The following CPQ variants were observed in gnomAD, a reference collection of about 807,000 sequenced individuals.
The protein encoded by CPQ is Ser-Met dipeptidase.
A neutral mutation model predicts 45.7 loss-of-function variants in CPQ; 37 were observed. The ratio of observed to expected loss-of-function variants is 0.81; its 90% CI spans 0.62 to 1.07. CPQ has a LOEUF of 1.07. Among genes scored for constraint, CPQ ranks in the 50% least tolerant of loss-of-function variants. The pLI is 0.00. For synonymous variants in CPQ, 186 were observed against 205.8 expected (o/e 0.90, Z 0.82); for missense variants, 537 against 572.9 (o/e 0.94, Z 0.64).
chr8:96,808,390 G>A (rs1027662171), intron 2 of CPQ, among the ~76,000 whole-genome samples: 10 of 152,152 alleles, frequency 6.6e-5, no homozygotes, highest in Non-Finnish European at 1.0e-4. Context: ...GCTACACAGA[G>A]CATGGAAAGT....
At chr8:97,105,096 A>G (rs1811381996) in intron 7 of CPQ, among the ~76,000 whole-genome samples, 1 of 152,354 alleles carries the variant, frequency 6.6e-6, no homozygotes, top group East Asian at 1.9e-4. Context: ...CCACCCCGGC[A>G]TTGTGCCTTC....
At chr8:97,035,828 C>G (rs543956613) in intron 6 of CPQ, among the ~76,000 whole-genome samples, 159 of 152,260 alleles carry the variant, frequency 1.0e-3, no homozygotes, top group African/African-American at 3.7e-3. Context: ...CTGCCTTAGC[C>G]TCCTGAGTAG....
chr8:97,113,996 C>A (rs1355787682), intron 7 of CPQ, among the ~76,000 whole-genome samples: 1 of 152,224 alleles, frequency 6.6e-6, no homozygotes, highest in Non-Finnish European at 1.5e-5. Context: ...CTACCTGTCT[C>A]TTTCCAGAGC....
intron 5 of CPQ, among the ~76,000 whole-genome samples, chr8:97,004,273 T>TAAAA (rs765381107): frequency 7.4e-6 from 1 of 134,910 alleles, no homozygotes. Flanking sequence ...AAATAATTTG[T>TAAAA]AAAAAAAAAA....
intron 1 of CPQ, among the ~76,000 whole-genome samples, chr8:96,679,613 G>C (rs1024251267): frequency 4.6e-5 from 7 of 151,894 alleles, no homozygotes; most frequent in African/African-American, 1.7e-4. Flanking sequence ...TTCTGCTCAG[G>C]CTTTCTGTTT....
At chr8:96,999,406 A>G in intron 5 of CPQ, among the ~76,000 whole-genome samples, 1 of 151,692 alleles carries the variant, frequency 6.6e-6, no homozygotes, top group East Asian at 1.9e-4. Context: ...TCATCCTCCA[A>G]AAAGCCCTAG....
rs59043894 is a variant in CPQ, at chr8:96,926,625, C to CTTCTTCTTCTTCTTCTT, written c.850-39310_850-39309insTTCTTCTTCTTCTTCTT. On this transcript the variant is annotated intron_variant, in intron 4 of 7. Transcript: ENST00000220763. ...TTCTTCTTCTTCTTCTTCTTCTTCT[C>CTTCTTCTTCTTCTTCTT]CTCCTTCTCCTTCTTCTTCTTCTCC... Among the ~76,000 whole-genome samples the CTTCTTCTTCTTCTTCTT allele has an allele frequency of 4.6e-3, 266 of 58,352 alleles. 18 individuals carry two copies. The highest frequency in any genetic ancestry group is 0.015 in the African/African-American group (234 of 15,796). 38.3% of individuals were successfully genotyped at this position (58,352 alleles called of 152,430 possible). A position where few individuals can be genotyped will look rare whatever the true frequency, so the allele number is the denominator to read the frequency against.
intron 5 of CPQ, among the ~76,000 whole-genome samples, chr8:97,020,339 C>G (rs57789001): frequency 3.0e-3 from 459 of 151,912 alleles, no homozygotes; most frequent in African/African-American, 1.0e-2. Flanking sequence ...AAAAACAAAC[C>G]AAACCCAAAC....
intron 1 of CPQ, among the ~76,000 whole-genome samples, chr8:96,735,583 C>A (rs1270825388): frequency 6.6e-6 from 1 of 152,170 alleles, no homozygotes; most frequent in Non-Finnish European, 1.5e-5. Context: ...TGTCCCCAAA[C>A]AAAAGCTGGG....
intron 6 of CPQ, among the ~76,000 whole-genome samples, chr8:97,063,342 ATTTG>A (rs1416509982): frequency 2.0e-5 from 3 of 151,938 alleles, no homozygotes; most frequent in African/African-American, 4.8e-5. Context: ...TCTCTTGTAA[ATTTG>A]TTTAAGTTCC....
Position 97,026,446 on chromosome 8 carries a change from G to A in CPQ, c.962-2957G>A, listed in dbSNP as rs191030038. ...CCAATGCCTTTCTGTACCCTACACC[G>A]TCCATCATGGATTTAGGTAGCCTGG... On this transcript the variant is annotated intron_variant, in intron 5 of 7. Transcript: ENST00000220763. Among the ~76,000 whole-genome samples, 253 of 152,186 alleles carry A rather than the reference G, an allele frequency of 1.7e-3. 3 individuals carry two copies. The highest frequency in any genetic ancestry group is 0.013 in the Admixed American group (196 of 15,280).
rs534026447 is a variant in CPQ at position 97,091,962 on chromosome 8, T to C, written c.1255+25752T>C. On this transcript the variant is annotated intron_variant, in intron 7 of 7. Coordinates refer to ENST00000220763, the MANE Select transcript of CPQ (RefSeq NM_016134.4). ...TATCACCCCAGGGAAACTGCAGTTA[T>C]CCTAAATGCCTCTGGTACCAATAAC... 1.2e-4 allele frequency among the ~76,000 whole-genome samples: 19 copies of C among 152,264 alleles called. No individual in the cohort carries two copies. The East Asian group carries it at 3.7e-3, about 29-fold the overall frequency.
intron 5 of CPQ, among the ~76,000 whole-genome samples, chr8:96,997,806 CAGTTATTGAGAACAATATTA>C (rs1188941782): frequency 6.6e-6 from 1 of 152,124 alleles, no homozygotes; most frequent in Non-Finnish European, 1.5e-5. Context: ...ATTCAGCTCA[CAGTTATTGAGAACAATATTA>C]AGTCTTAAGC....
At chr8:96,657,251 A>G (rs1344822973) in intron 1 of CPQ, among the ~76,000 whole-genome samples, 1 of 152,074 alleles carries the variant, frequency 6.6e-6, no homozygotes, top group Non-Finnish European at 1.5e-5. Context: ...AGGCTGAGGC[A>G]GGAGAATCAC....
intron 1 of CPQ, among the ~76,000 whole-genome samples, chr8:96,703,333 A>G (rs945498218): frequency 4.6e-5 from 7 of 152,182 alleles, no homozygotes; most frequent in African/African-American, 1.7e-4. Flanking sequence ...AAATACCACT[A>G]TATATGTTTT....
intron 4 of CPQ, among the ~76,000 whole-genome samples, chr8:96,959,186 G>A (rs1813409406): frequency 6.6e-6 from 1 of 152,116 alleles, no homozygotes; most frequent in African/African-American, 2.4e-5. Context: ...AGAAGTGCCT[G>A]CCCACCTGTG....
chr8:96,725,447 G>A (rs1809823888), intron 1 of CPQ, among the ~76,000 whole-genome samples: 1 of 152,140 alleles, frequency 6.6e-6, no homozygotes, highest in African/African-American at 2.4e-5. Flanking sequence ...CTTATCAAAA[G>A]AAGACAGACA....
Position 96,879,953 on chromosome 8 carries a change from C to A in CPQ, c.797C>A (p.Thr266Asn), listed in dbSNP as rs1233515044. The A allele has an allele frequency of 1.2e-6, 2 of 1,614,086 alleles. No homozygotes were observed. Among genetic ancestry groups the A allele is most frequent in the South Asian group, 2.2e-5 (2 of 91,078 alleles). ...LKMGAKTYPD[T>N]DSFNTVAEIT... ...ATGGGGGCAAAGACCTACCCAGATA[C>A]TGATTCCTTCAACACTGTAGCAGAG... Residue 266 changes from threonine (T) to asparagine (N), a missense_variant, in exon 4 of 8, where the codon ACT becomes AAT. Coordinates refer to ENST00000220763, the MANE Select transcript of CPQ (RefSeq NM_016134.4).
intron 5 of CPQ, among the ~76,000 whole-genome samples, chr8:97,027,144 TA>T (rs1809817562): frequency 6.6e-6 from 1 of 152,244 alleles, no homozygotes; most frequent in Non-Finnish European, 1.5e-5. Flanking sequence ...TAATTTCATT[TA>T]AATTGACTTT....
Sources: allele counts gnomAD v4.1 joint callset (sites outside exome capture counted in the v4.1 genomes callset), GRCh38; gene constraint gnomAD v4.1.1; transcripts MANE v1.5; gene names NCBI Gene and HGNC (gene_info 2026-07-23, HGNC 2026-07-21).